Variants in OR7A5 observed in about 807,000 individuals in gnomAD.
OR7A5 encodes the protein olfactory receptor family 7 subfamily A member 5.
For synonymous variants in OR7A5, 140 were observed against 146.7 expected (o/e 0.95, Z 0.33); for missense variants, 319 against 377.9 (o/e 0.84, Z 1.29).
intron 1 of OR7A5, 144 bp downstream of exon 1, chr19:14,834,930 A>G (rs2044870377): frequency 6.6e-6 from 1 of 152,200 alleles, no homozygotes; most frequent in Non-Finnish European, 1.5e-5. Flanking sequence ...TTACTTAGTT[A>G]ATTAATCAAC....
chr19:14,831,209 G>T (rs1164568887), intron 1 of OR7A5, among the ~76,000 whole-genome samples: 2 of 152,112 alleles, frequency 1.3e-5, no homozygotes, highest in African/African-American at 4.8e-5. Context: ...GGTACAGATC[G>T]CATATCCTAA....
chr19:14,831,872 T>C (rs1190686151), intron 1 of OR7A5, among the ~76,000 whole-genome samples: 1 of 152,208 alleles, frequency 6.6e-6, no homozygotes, highest in Non-Finnish European at 1.5e-5. Context: ...TATTAAATTT[T>C]GCACACGTCA....
Position 14,827,592 on chromosome 19 carries a change from G to A in OR7A5, c.650C>T (p.Ser217Phe), listed in dbSNP as rs1422440071. The change falls in exon 2 of 2, where the codon TCT (serine) becomes TTT (phenylalanine). Residue 217 changes from serine to phenylalanine, a missense_variant. Transcript: ENST00000322301. ...TATGGAAGAAATTATCTTAGAGTAA[G>A]AGTAAAGGATCCCAGTCAGGGGACC... ...GGGPLTGILY[S>F]YSKIISSIHA... The A allele has an allele frequency of 6.2e-7, 1 of 1,614,176 alleles. No individual in the cohort carries two copies. The highest frequency in any genetic ancestry group is 1.3e-5 in the African/African-American group (1 of 75,046).
chr19:14,829,284 A>T (rs952737518), intron 1 of OR7A5, among the ~76,000 whole-genome samples: 2 of 151,928 alleles, frequency 1.3e-5, no homozygotes, highest in African/African-American at 4.8e-5. Flanking sequence ...GATCACTGCA[A>T]CCTCCACCTC....
In OR7A5 at chr19:14,827,395, G is replaced by A; in HGVS notation, c.847C>T (p.Pro283Ser). The A allele has an allele frequency of 1.9e-6, 3 of 1,613,982 alleles. No individual in the cohort carries two copies. Among genetic ancestry groups the A allele is most frequent in the South Asian group, 2.2e-5 (2 of 91,054 alleles). The change falls in exon 2 of 2, where the codon CCC becomes TCC. Residue 283 changes from proline to serine, a missense_variant. Transcript: ENST00000322301. ...CTATAGATAAAGGGGTTCAGCATGGGGGTGACCACAGTGTACATCACTGAG... is the reference window on the plus strand; with the variant it reads ...CTATAGATAAAGGGGTTCAGCATGGAGGTGACCACAGTGTACATCACTGAG... ...TASVMYTVVT[P>S]MLNPFIYSLR...
In OR7A5 at chr19:14,826,710, TA is replaced by T. The variant is rs1379800516; in HGVS notation, c.*571del. 6.6e-6 allele frequency: 1 copy of T among 152,218 alleles called. No homozygotes were observed. Among genetic ancestry groups the T allele is most frequent in the East Asian group, 1.9e-4 (1 of 5,198 alleles). The allele number at this position is 152,218 out of a possible 1,614,324, so 9.4% of individuals were successfully genotyped here. Reference sequence around the variant, plus strand: ...CATTGCACTCGGAACATATTTTTGATAAACAATTTTTGCCTTACCGTACTAT... The same window carrying T: ...CATTGCACTCGGAACATATTTTTGATAACAATTTTTGCCTTACCGTACTAT... On this transcript the variant is annotated 3_prime_UTR_variant, in exon 2 of 2. Coordinates refer to ENST00000322301, the MANE Select transcript of OR7A5 (RefSeq NM_017506.2).
In OR7A5 at chr19:14,826,613, A is replaced by G. The variant is rs2145074747; in HGVS notation, c.*669T>C. ...GTATGATTGACAATTTTACTCCATC[A>G]TATTTAAGGTCATCTCTGACTGTAA... On this transcript the variant is annotated 3_prime_UTR_variant, in exon 2 of 2. Transcript: ENST00000322301. 1 of 152,310 alleles carries G rather than the reference A, an allele frequency of 6.6e-6. No homozygotes were observed. The allele number at this position is 152,310 out of a possible 1,614,324, so 9.4% of individuals were successfully genotyped here.
chr19:14,834,652 C>T (rs1039849873), intron 1 of OR7A5, among the ~76,000 whole-genome samples: 8 of 149,300 alleles, frequency 5.4e-5, no homozygotes, highest in Admixed American at 2.7e-4. Flanking sequence ...ATTTTTCTCA[C>T]GGGCATAGAA....
In OR7A5 at chr19:14,827,496, G is replaced by A. The variant is rs1006818893; in HGVS notation, c.746C>T (p.Ser249Phe). The change falls in exon 2 of 2, where the codon TCC becomes TTC. Residue 249 changes from serine (S) to phenylalanine (F), a missense_variant. Ser to Phe is a radical substitution (Grantham distance 155). Transcript: ENST00000322301. ...CCCTAGGATTGCACCATAAAATAAG[G>A]AGACAACTGAGAGGTGAGATGCACA... Reference protein sequence around the residue: ...STCASHLSVVSLFYGAILGVY... With the variant: ...STCASHLSVVFLFYGAILGVY... 3 of 1,614,124 alleles carry A rather than the reference G, an allele frequency of 1.9e-6. No individual in the cohort carries two copies. The highest frequency in any genetic ancestry group is 2.5e-6 in the Non-Finnish European group (3 of 1,180,004).
chr19:14,830,835 C>T (rs1369692682), intron 1 of OR7A5, among the ~76,000 whole-genome samples: 1 of 152,136 alleles, frequency 6.6e-6, no homozygotes, highest in Non-Finnish European at 1.5e-5. Flanking sequence ...GGACACACAA[C>T]CCTCGTGTGC....
At position 14,827,749 on chromosome 19, in the gene OR7A5, G is replaced by A. The variant is rs759373895; in HGVS notation, c.493C>T (p.Arg165Trp). The A allele has an allele frequency of 7.7e-5, 125 of 1,613,972 alleles. No homozygotes were observed. Among genetic ancestry groups the A allele is most frequent in the Middle Eastern group, 6.6e-4 (4 of 6,084 alleles). The part of the protein sequence containing the change: ...YSLLQILMVV[R>W]LSFCTALEIP... ...TCTAAGGCTGTGCAGAAGGACAGCC[G>A]TACTACCATTAAGATTTGTAGCAAG... Residue 165 changes from arginine (R) to tryptophan (W), a missense_variant, in exon 2 of 2, where the codon CGG becomes TGG. Coordinates refer to ENST00000322301, the MANE Select transcript of OR7A5 (RefSeq NM_017506.2).
chr19:14,827,827 G>T lies in OR7A5; in HGVS notation c.415C>A (p.His139Asn). The part of the protein sequence containing the change: ...PLHYMVIMNP[H>N]LCGLLVLASW... ...GCTAGAACCAGCAGTCCACAGAGGTGAGGGTTCATAATGACCATGTAGTGC... is the reference window on the plus strand; with the variant it reads ...GCTAGAACCAGCAGTCCACAGAGGTTAGGGTTCATAATGACCATGTAGTGC... The change falls in exon 2 of 2, where the codon CAC (histidine) becomes AAC (asparagine). Residue 139 changes from histidine to asparagine, a missense_variant. His to Asn is a moderately conservative substitution (Grantham distance 68). Transcript: ENST00000322301. 6.2e-7 allele frequency: 1 copy of T among 1,614,182 alleles called. No homozygotes were observed. Among genetic ancestry groups the T allele is most frequent in the East Asian group, 2.2e-5 (1 of 44,890 alleles).
At chr19:14,833,563 G>T (rs991859048) in intron 1 of OR7A5, among the ~76,000 whole-genome samples, 1 of 152,142 alleles carries the variant, frequency 6.6e-6, no homozygotes, top group Non-Finnish European at 1.5e-5. Flanking sequence ...CTTAACTAAG[G>T]CAATAATTGC....
Position 14,827,974 on chromosome 19 carries a change from T to C in OR7A5, c.268A>G (p.Lys90Glu), listed in dbSNP as rs749228702. 3.7e-6 allele frequency: 6 copies of C among 1,614,104 alleles called. No individual in the cohort carries two copies. The highest frequency in any genetic ancestry group is 5.1e-6 in the Non-Finnish European group (6 of 1,180,038). Residue 90 changes from lysine to glutamate, a missense_variant, in exon 2 of 2, where the codon AAA becomes GAA. Lys to Glu is a moderately conservative substitution (Grantham distance 56, BLOSUM62 1). Transcript: ENST00000322301. Reference protein sequence around the residue: ...KMLMNIQTQNKVITYIACLMQ... With the variant: ...KMLMNIQTQNEVITYIACLMQ... ...AGGCAGGCTATGTAGGTGATGACTT[T>C]GTTCTGTGTCTGGATGTTCATCAGC...
At chr19:14,830,840 G>A (rs367801627) in intron 1 of OR7A5, among the ~76,000 whole-genome samples, 32 of 152,204 alleles carry the variant, frequency 2.1e-4, no homozygotes, top group African/African-American at 3.6e-4. Flanking sequence ...CACAACCCTC[G>A]TGTGCCAATG....
rs138181742 is a variant in OR7A5, at chr19:14,827,446, G to A, written c.796C>T (p.Arg266Cys). 32 of 1,613,946 alleles carry A rather than the reference G, an allele frequency of 2.0e-5. No individual in the cohort carries two copies. Among genetic ancestry groups the A allele is most frequent in the South Asian group, 2.2e-5 (2 of 91,076 alleles). The change falls in exon 2 of 2, where the codon CGC (arginine) becomes TGC (cysteine). Residue 266 changes from arginine (R) to cysteine (C), a missense_variant. Physicochemically the swap from Arg to Cys is radical, Grantham distance 180. Transcript: ENST00000322301. ...LGVYLSSAAT[R>C]NSHSSATASV... Reference sequence around the variant, plus strand: ...GCTGTTGCACTTGAGTGTGAGTTGCGGGTGGCAGCAGAACTAAGGTACACC... The same window carrying A: ...GCTGTTGCACTTGAGTGTGAGTTGCAGGTGGCAGCAGAACTAAGGTACACC...
chr19:14,832,509 C>T (rs1244550562), intron 1 of OR7A5, among the ~76,000 whole-genome samples: 5 of 151,402 alleles, frequency 3.3e-5, no homozygotes, highest in Non-Finnish European at 7.4e-5. Flanking sequence ...GACTGGCAAC[C>T]TCCGCCTCCT....
At position 14,827,938 on chromosome 19, in the gene OR7A5, A is replaced by G. The variant is rs2044788689; in HGVS notation, c.304T>C (p.Tyr102His). Residue 102 changes from tyrosine (Y) to histidine (H), a missense_variant, in exon 2 of 2, where the codon TAT becomes CAT. By Grantham distance (83) the Tyr-to-His change is moderately conservative. Coordinates refer to ENST00000322301, the MANE Select transcript of OR7A5 (RefSeq NM_017506.2). ...ITYIACLMQM[Y>H]FFILFAGFEN... ...AATCCAGCAAAGAGTATGAAAAAAT[A>G]CATCTGCATGAGGCAGGCTATGTAG... The G allele has an allele frequency of 1.9e-6, 3 of 1,614,214 alleles. No homozygotes were observed. The highest frequency in any genetic ancestry group is 2.2e-5 in the East Asian group (1 of 44,886).
At chr19:14,829,286 C>T (rs983966062) in intron 1 of OR7A5, among the ~76,000 whole-genome samples, 1 of 152,210 alleles carries the variant, frequency 6.6e-6, no homozygotes, top group Non-Finnish European at 1.5e-5. Context: ...TCACTGCAAC[C>T]TCCACCTCCC....
Sources: gnomAD v4.1 joint callset for allele counts (sites outside exome capture counted in the v4.1 genomes callset) on GRCh38, gnomAD v4.1.1 for gene constraint, MANE v1.5 for transcripts, NCBI Gene and HGNC (gene_info 2026-07-23, HGNC 2026-07-21) for gene names.